The following ABCC11 variants were observed in gnomAD, a reference collection of about 807,000 sequenced individuals.
ABCC11 encodes the protein ATP-binding cassette sub-family C member 11.
Under a neutral mutation model 149.3 loss-of-function variants are expected in ABCC11, and 135 were observed. That is an observed-to-expected ratio of 0.90 (90% CI 0.79 to 1.04). ABCC11 has a LOEUF of 1.04. ABCC11 is among the 50% of genes least tolerant of loss of function. The probability of loss-of-function intolerance (pLI) is 0.00; values close to 1 mark genes in which losing one functional copy is unlikely to be tolerated. For synonymous variants in ABCC11, 665 were observed against 671.4 expected (o/e 0.99, Z 0.15); for missense variants, 1,680 against 1,722.1 (o/e 0.98, Z 0.43).
intron 24 of ABCC11, among the ~76,000 whole-genome samples, chr16:48,177,478 C>G (rs1017527227): frequency 1.3e-5 from 2 of 152,284 alleles, no homozygotes; most frequent in African/African-American, 4.8e-5. Flanking sequence ...CAGACTTAAT[C>G]TCTCTCTATC....
At chr16:48,193,622 G>T (rs1967114696) in intron 19 of ABCC11, among the ~76,000 whole-genome samples, 1 of 152,208 alleles carries the variant, frequency 6.6e-6, no homozygotes, top group Non-Finnish European at 1.5e-5. Context: ...AGATTCTTGG[G>T]GCACTGTCTG....
chr16:48,228,787 A>G (rs1053828212), intron 3 of ABCC11, among the ~76,000 whole-genome samples: 1 of 152,200 alleles, frequency 6.6e-6, no homozygotes, highest in African/African-American at 2.4e-5. Flanking sequence ...AACTTTTACA[A>G]ACAATAAAAT....
chr16:48,173,758 G>C (rs1407547322), intron 26 of ABCC11, among the ~76,000 whole-genome samples: 1 of 152,148 alleles, frequency 6.6e-6, no homozygotes, highest in African/African-American at 2.4e-5. Flanking sequence ...CCGAGTAGCT[G>C]GGATTACAGA....
intron 22 of ABCC11, 97 bp from the exon 23 acceptor site, chr16:48,184,723 TC>T: frequency 8.1e-7 from 1 of 1,240,876 alleles, no homozygotes; most frequent in Non-Finnish European, 1.1e-6. Context: ...AGCATCCAGT[TC>T]CCCACTCCCA....
intron 6 of ABCC11, among the ~76,000 whole-genome samples, chr16:48,216,532 T>C (rs576553644): frequency 6.6e-6 from 1 of 152,338 alleles, no homozygotes; most frequent in South Asian, 2.1e-4. Flanking sequence ...TTACTTTATA[T>C]GGGTTTTGTG....
chr16:48,196,348 G>C (rs376862316), intron 17 of ABCC11, 27 bp from the exon 18 acceptor site: 2 of 1,603,878 alleles, frequency 1.2e-6, no homozygotes, highest in Non-Finnish European at 1.7e-6. Flanking sequence ...GAAGAGAAAA[G>C]TGGTATGCCT....
At chr16:48,184,293 G>C (rs1219649044) in intron 23 of ABCC11, 147 bp downstream of exon 23, 1 of 973,430 alleles carries the variant, frequency 1.0e-6, no homozygotes, top group Admixed American at 2.8e-5. Context: ...ACCAATTTCA[G>C]AAGGCCAAGC....
At chr16:48,225,887 C>T (rs760278573) in intron 4 of ABCC11, among the ~76,000 whole-genome samples, 7 of 152,004 alleles carry the variant, frequency 4.6e-5, no homozygotes, top group Non-Finnish European at 7.4e-5. Flanking sequence ...AAAACAAAAA[C>T]GGAGTGATTG....
In ABCC11 at chr16:48,215,277, C is replaced by G; in HGVS notation, c.1019G>C (p.Arg340Pro). 1 of 1,614,152 alleles carries G rather than the reference C, an allele frequency of 6.2e-7. No individual in the cohort carries two copies. Among genetic ancestry groups the G allele is most frequent in the Non-Finnish European group, 8.5e-7 (1 of 1,179,982 alleles). ...GCAAGTGAGAACTTCACTGGTCACA[C>G]GGATGCGCTGGTCGCTGACCTCAGA... ...HTSEVSDQRI[R>P]VTSEVLTCIK... is the part of the protein sequence containing the mutation. The change falls in exon 8 of 30, where the codon CGT (arginine) becomes CCT (proline). Residue 340 changes from arginine (R) to proline (P), a missense_variant. By Grantham distance (103) the Arg-to-Pro change is moderately radical (BLOSUM62 -2). Transcript: ENST00000356608.
At chr16:48,228,788 A>G (rs1425854551) in intron 3 of ABCC11, among the ~76,000 whole-genome samples, 1 of 152,192 alleles carries the variant, frequency 6.6e-6, no homozygotes, top group African/African-American at 2.4e-5. Flanking sequence ...ACTTTTACAA[A>G]CAATAAAATT....
chr16:48,186,827 C>T lies in ABCC11; in HGVS notation c.3071+126G>A, dbSNP rs112229772. ...CAGGTTCTGGAGGCTCAGAGAAATA[C>T]GTCCATCGAACAATGTGCTCTCTGA... On this transcript the variant is annotated intron_variant, in intron 22 of 29. Transcript: ENST00000356608. 1.7e-4 allele frequency: 203 copies of T among 1,192,410 alleles called. No homozygotes were observed. The African/African-American group carries it at 2.3e-3, about 14-fold the overall frequency. The allele number at this position is 1,192,410 out of a possible 1,614,324, so 73.9% of individuals were successfully genotyped here. A position where few individuals can be genotyped will look rare whatever the true frequency, so the allele number is the denominator to read the frequency against.
At position 48,229,866 on chromosome 16, in the gene ABCC11, C is replaced by G. The variant is rs555440090; in HGVS notation, c.236+571G>C. Among the ~76,000 whole-genome samples the G allele has an allele frequency of 2.0e-5, 3 of 152,318 alleles. No individual in the cohort carries two copies. The South Asian group carries it at 6.2e-4, about 32-fold the overall frequency. On this transcript the variant is annotated intron_variant, in intron 3 of 29. Coordinates refer to ENST00000356608, the MANE Select transcript of ABCC11 (RefSeq NM_001370497.1). ...CATCACACAAGACTCTCCAGTGACA[C>G]TGGCCTCCTTCTTTCTCAGTTCCTG...
At chr16:48,235,216 G>A (rs953973683) in intron 1 of ABCC11, 1 of 115,494 alleles carries the variant, frequency 8.7e-6, no homozygotes, top group Non-Finnish European at 1.8e-5. Context: ...AACTAGAGAT[G>A]CAAAGAGATG....
At chr16:48,193,257 A>C (rs1156868936) in intron 19 of ABCC11, among the ~76,000 whole-genome samples, 1 of 152,132 alleles carries the variant, frequency 6.6e-6, no homozygotes, top group Non-Finnish European at 1.5e-5. Context: ...GAAGCTCTAA[A>C]TACTTAGAGT....
chr16:48,230,710 T>C, intron 2 of ABCC11, 137 bp from the exon 3 acceptor site: 2 of 1,045,342 alleles, frequency 1.9e-6, no homozygotes, highest in South Asian at 4.0e-5. Context: ...ATACCGAGAA[T>C]AAGCAGGGGA....
intron 1 of ABCC11, among the ~76,000 whole-genome samples, 174 bp downstream of exon 1, chr16:48,247,140 G>A (rs538897665): frequency 1.3e-5 from 2 of 152,390 alleles, no homozygotes; most frequent in African/African-American, 4.8e-5. Context: ...AGCCTATGTG[G>A]AAAGATTGTA....
At chr16:48,217,304 T>A (rs753027360) in intron 6 of ABCC11, among the ~76,000 whole-genome samples, 4 of 152,128 alleles carry the variant, frequency 2.6e-5, no homozygotes, top group Non-Finnish European at 4.4e-5. Flanking sequence ...TCCTCCCACA[T>A]ATACTGCCTG....
At chr16:48,225,826 C>A (rs1371948106) in intron 4 of ABCC11, among the ~76,000 whole-genome samples, 1 of 152,148 alleles carries the variant, frequency 6.6e-6, no homozygotes, top group Admixed American at 6.6e-5. Flanking sequence ...TTCTTCCATT[C>A]CTTCTGTATT....
intron 12 of ABCC11, among the ~76,000 whole-genome samples, chr16:48,206,540 C>T (rs1254555127): frequency 2.0e-5 from 3 of 152,160 alleles, no homozygotes. Flanking sequence ...TCTTTTATAC[C>T]CTAAAATGTT....
Sources: gnomAD v4.1 joint callset for allele counts (sites outside exome capture counted in the v4.1 genomes callset) on GRCh38, gnomAD v4.1.1 for gene constraint, MANE v1.5 for transcripts, NCBI Gene and HGNC (gene_info 2026-07-23, HGNC 2026-07-21) for gene names.